Variants in COMMD1 observed in about 807,000 individuals in gnomAD.
COMMD1 encodes the protein copper metabolism domain containing 1.
A neutral mutation model predicts 17.2 loss-of-function variants in COMMD1; 10 were observed. That is an observed-to-expected ratio of 0.58 (90% CI 0.36 to 0.99). COMMD1 has a LOEUF of 0.99. COMMD1 is among the 50% of genes least tolerant of loss of function. COMMD1 has a pLI of 0.01. For synonymous variants in COMMD1, 97 were observed against 91.6 expected (o/e 1.06, Z -0.34); for missense variants, 270 against 231.8 (o/e 1.17, Z -1.07).
intron 1 of COMMD1, among the ~76,000 whole-genome samples, chr2:61,930,617 TTG>T (rs59488185): frequency 0.13 from 19,359 of 146,014 alleles, 1,280 homozygotes; most frequent in Non-Finnish European, 0.15. Flanking sequence ...CCACAGGGTT[TTG>T]TGTGTGTGTG....
chr2:61,957,286 A>G (rs1286521306), intron 1 of COMMD1, among the ~76,000 whole-genome samples: 2 of 152,000 alleles, frequency 1.3e-5, no homozygotes, highest in Non-Finnish European at 1.5e-5. Flanking sequence ...GGTTTGTGAG[A>G]GTGGTCTTTC....
intron 2 of COMMD1, among the ~76,000 whole-genome samples, chr2:62,023,035 T>C (rs1669651419): frequency 6.6e-6 from 1 of 152,196 alleles, no homozygotes; most frequent in South Asian, 2.1e-4. Context: ...GAGACCAGCC[T>C]GACCAACATG....
chr2:61,947,230 G>C (rs1303121970), intron 1 of COMMD1, among the ~76,000 whole-genome samples: 1 of 151,966 alleles, frequency 6.6e-6, no homozygotes, highest in African/African-American at 2.4e-5. Context: ...TTTAGTAACT[G>C]TTTCAGTATT....
At chr2:61,961,526 C>T (rs1671344024) in intron 1 of COMMD1, among the ~76,000 whole-genome samples, 3 of 152,100 alleles carry the variant, frequency 2.0e-5, no homozygotes, top group Non-Finnish European at 2.9e-5. Context: ...TAGTGGATAG[C>T]AATCTTATGG....
chr2:62,010,813 T>G (rs1669256871), intron 2 of COMMD1, among the ~76,000 whole-genome samples: 1 of 152,202 alleles, frequency 6.6e-6, no homozygotes, highest in Non-Finnish European at 1.5e-5. Context: ...TCTCCTAGAT[T>G]ATAACATCCT....
chr2:61,983,871 A>T (rs566328642), intron 1 of COMMD1, among the ~76,000 whole-genome samples: 20 of 152,074 alleles, frequency 1.3e-4, no homozygotes, highest in African/African-American at 4.3e-4. Flanking sequence ...GCTTCTACTG[A>T]CTTTGGGTTT....
intron 2 of COMMD1, among the ~76,000 whole-genome samples, chr2:62,042,492 G>A (rs112202744): frequency 2.0e-5 from 3 of 152,204 alleles, no homozygotes; most frequent in Admixed American, 6.5e-5. Flanking sequence ...CTTGTGCCCC[G>A]ATCAAGCCCA....
chr2:61,900,116 T>C (rs1340236723), intron 1 of COMMD1, among the ~76,000 whole-genome samples: 1 of 152,226 alleles, frequency 6.6e-6, no homozygotes, highest in Non-Finnish European at 1.5e-5. Flanking sequence ...CCAATGTGAC[T>C]GATCACAGCC....
At chr2:61,924,964 G>A (rs1006096571) in intron 1 of COMMD1, among the ~76,000 whole-genome samples, 5 of 152,182 alleles carry the variant, frequency 3.3e-5, no homozygotes, top group African/African-American at 9.7e-5. Context: ...CCTGGAGGCC[G>A]GAGGAAGCCC....
Position 61,986,074 on chromosome 2 carries a change from C to T in COMMD1, c.181-14627C>T, listed in dbSNP as rs563633812. 2.0e-5 allele frequency among the ~76,000 whole-genome samples: 3 copies of T among 152,244 alleles called. No individual in the cohort carries two copies. The South Asian group carries it at 6.2e-4, about 32-fold the overall frequency. ...AGGACAGGTCTGGTGTTGATGAAAT[C>T]CCACAGCTTTTGATTGGGAAAATCT... is the stretch of plus-strand genomic sequence containing the variant. On this transcript the variant is annotated intron_variant, in intron 1 of 2. Transcript: ENST00000311832.
intron 2 of COMMD1, among the ~76,000 whole-genome samples, chr2:62,017,931 C>T (rs1669498031): frequency 6.6e-6 from 1 of 151,750 alleles, no homozygotes; most frequent in Admixed American, 6.6e-5. Flanking sequence ...GTAGTCTCAG[C>T]TACTTGGGAG....
intron 2 of COMMD1, among the ~76,000 whole-genome samples, chr2:62,116,047 G>C (rs141848241): frequency 6.6e-6 from 1 of 151,784 alleles, no homozygotes; most frequent in Non-Finnish European, 1.5e-5. Context: ...GGGGTTTGCC[G>C]TGTTGCCCAG....
chr2:61,969,409 T>C (rs181571827), intron 1 of COMMD1, among the ~76,000 whole-genome samples: 91 of 152,306 alleles, frequency 6.0e-4, no homozygotes, highest in East Asian at 3.9e-4. Flanking sequence ...CAGAGGCAAA[T>C]TGCTTTTACT....
At chr2:62,029,059 A>G (rs974953711) in intron 2 of COMMD1, among the ~76,000 whole-genome samples, 2 of 152,204 alleles carry the variant, frequency 1.3e-5, no homozygotes, top group African/African-American at 4.8e-5. Context: ...TTATTTTGTA[A>G]TGATTCTTAA....
At position 62,131,205 on chromosome 2, in the gene COMMD1, C is replaced by T. The variant is rs566370659; in HGVS notation, c.463-4626C>T. Among the ~76,000 whole-genome samples, 11 of 152,228 alleles carry T rather than the reference C, an allele frequency of 7.2e-5. No homozygotes were observed. In the South Asian group the frequency reaches 1.5e-3, roughly 20 times the overall value. On this transcript the variant is annotated intron_variant, in intron 2 of 2. Transcript: ENST00000311832. The stretch of plus-strand genomic sequence containing the variant: ...TGTAATTTGGAATGGCTATTTAAAC[C>T]GTTGAGTTTAATACACTGCTGTACT...
chr2:61,916,076 T>A (rs190262126), intron 1 of COMMD1, among the ~76,000 whole-genome samples: 6 of 152,156 alleles, frequency 3.9e-5, no homozygotes, highest in African/African-American at 1.4e-4. Context: ...GCTCAAGTGA[T>A]TCTCCCACCT....
intron 2 of COMMD1, among the ~76,000 whole-genome samples, chr2:62,094,663 G>C (rs1671949712): frequency 6.6e-6 from 1 of 152,156 alleles, no homozygotes; most frequent in Non-Finnish European, 1.5e-5. Flanking sequence ...AAAGGGAAGG[G>C]GAAGAGTGAG....
At chr2:62,115,123 A>G (rs1295359646) in intron 2 of COMMD1, among the ~76,000 whole-genome samples, 1 of 152,220 alleles carries the variant, frequency 6.6e-6, no homozygotes, top group Non-Finnish European at 1.5e-5. Context: ...TCTCACAACT[A>G]CCTTATTTGT....
At chr2:61,993,329 C>A (rs1207116257) in intron 1 of COMMD1, among the ~76,000 whole-genome samples, 1 of 152,204 alleles carries the variant, frequency 6.6e-6, no homozygotes, top group Admixed American at 6.5e-5. Flanking sequence ...CTGAAAGTTA[C>A]AGGCATTTGT....
Sources: gnomAD v4.1 joint callset for allele counts (sites outside exome capture counted in the v4.1 genomes callset) on GRCh38, gnomAD v4.1.1 for gene constraint, MANE v1.5 for transcripts, NCBI Gene and HGNC (gene_info 2026-07-23, HGNC 2026-07-21) for gene names.